The following VSIG1 variants were observed in gnomAD, a reference collection of about 807,000 sequenced individuals.
VSIG1 encodes the protein V-set and immunoglobulin domain containing 1, also known as V-set and immunoglobulin domain-containing protein 1.
A neutral mutation model predicts 20.1 loss-of-function variants in VSIG1; 11 were observed. That is an observed-to-expected ratio of 0.55 (90% confidence interval 0.34 to 0.91). The LOEUF (loss-of-function observed/expected upper bound fraction) is 0.91. VSIG1 is among the 40% of genes least tolerant of loss of function. The probability of loss-of-function intolerance (pLI) is 0.02; values close to 1 mark genes in which losing one functional copy is unlikely to be tolerated. For missense variants in VSIG1, 283 were observed against 298.8 expected (o/e 0.95, Z 0.39); for synonymous variants, 126 against 116.7 (o/e 1.08, Z -0.52).
rs1378721571 is a variant in VSIG1 at position 108,077,417 on chromosome X, AC to A, written c.*39del. 1.2e-5 allele frequency: 14 copies of A among 1,159,824 alleles called. No individual in the cohort carries two copies. The highest frequency in any genetic ancestry group is 1.6e-5 in the Non-Finnish European group (14 of 866,375). ...TAAGTACAGCATTAATCATTAAGGA[AC>A]CCATTACTGCCATTTGGAATTCAAA... is the stretch of plus-strand genomic sequence containing the variant. On this transcript the variant is annotated 3_prime_UTR_variant, in exon 7 of 7. Transcript: ENST00000217957.
chrX:108,076,358 G>A, intron 6 of VSIG1, 140 bp downstream of exon 6: 1 of 749,910 alleles, frequency 1.3e-6, no homozygotes, highest in South Asian at 3.5e-5. Context: ...ATTTAAAAAA[G>A]AATGATGATG....
chrX:108,021,838 C>T, the VSIG1 span, among the ~76,000 whole-genome samples: 1 of 112,008 alleles, frequency 8.9e-6, no homozygotes, highest in Non-Finnish European at 1.9e-5. Context: ...ATGGTCTTGG[C>T]ACCCTTGTCA....
the VSIG1 span, among the ~76,000 whole-genome samples, chrX:108,025,446 T>C: frequency 8.9e-6 from 1 of 112,272 alleles, no homozygotes; most frequent in Non-Finnish European, 1.9e-5. Flanking sequence ...TTGTATATTC[T>C]TGGTTTTCAA....
upstream of VSIG1, among the ~76,000 whole-genome samples, chrX:108,042,887 G>T: frequency 8.9e-6 from 1 of 111,932 alleles, no homozygotes; most frequent in Non-Finnish European, 1.9e-5. Flanking sequence ...GCACAAACAG[G>T]TTGGAGAATG....
chrX:108,045,035 C>G, upstream of VSIG1: 10 of 737,229 alleles, frequency 1.4e-5, no homozygotes, highest in Non-Finnish European at 1.9e-5. Flanking sequence ...GCAGATAAGC[C>G]AGGCAAACCT....
intron 1 of VSIG1, among the ~76,000 whole-genome samples, chrX:108,057,033 T>C (rs2030914483): frequency 1.8e-5 from 2 of 112,149 alleles, no homozygotes; most frequent in African/African-American, 6.5e-5. Context: ...GTATTACATA[T>C]ATATCATCGG....
At chrX:108,060,799 A>T (rs760207094) in intron 2 of VSIG1, among the ~76,000 whole-genome samples, 3 of 112,541 alleles carry the variant, frequency 2.7e-5, no homozygotes, top group Non-Finnish European at 5.6e-5. Context: ...CTTGTGAAGC[A>T]CTACGAAGCC....
chrX:108,071,892 C>CAAAAAAAAAA (rs1203449181), intron 3 of VSIG1, among the ~76,000 whole-genome samples: 10 of 36,393 alleles, frequency 2.7e-4, no homozygotes, highest in Non-Finnish European at 3.9e-4. Context: ...TGAACAAATG[C>CAAAAAAAAAA]AAAAAAAAAA....
intron 6 of VSIG1, 128 bp downstream of exon 6, chrX:108,076,346 G>A: frequency 1.2e-6 from 1 of 837,882 alleles, no homozygotes. Context: ...TACTCTCATT[G>A]AATTTAAAAA....
intron 1 of VSIG1, among the ~76,000 whole-genome samples, chrX:108,045,882 TA>T (rs1048696579): frequency 8.9e-6 from 1 of 112,011 alleles, no homozygotes; most frequent in African/African-American, 3.2e-5. Flanking sequence ...CCATAGTAAA[TA>T]CAATAATATT....
In VSIG1 at chrX:108,072,724, GGC is replaced by G; in HGVS notation, c.461_462del (p.Gly154AlafsTer22). ...TAGCGTTCAAGGAAGACCAGAAACT[GGC>G]CACACTATTTCCCTTTCCTGTCTCT... ...LCSVQGRPET[G>X]HTISLSCLSA... On this transcript the variant is annotated frameshift_variant, in exon 4 of 7. Coordinates refer to ENST00000217957, the MANE Select transcript of VSIG1 (RefSeq NM_182607.5). LOFTEE classifies it high-confidence loss of function. The G allele has an allele frequency of 2.5e-6, 3 of 1,210,874 alleles. No homozygotes were observed. The highest frequency in any genetic ancestry group is 3.4e-6 in the Non-Finnish European group (3 of 894,959).
chrX:108,055,570 T>C (rs2030877748), intron 1 of VSIG1, among the ~76,000 whole-genome samples: 1 of 111,569 alleles, frequency 9.0e-6, no homozygotes, highest in Non-Finnish European at 1.9e-5. Context: ...AGCAAAACAC[T>C]AGCAAATTGA....
At chrX:108,033,881 C>T in the VSIG1 span, among the ~76,000 whole-genome samples, 73 of 109,851 alleles carry the variant, frequency 6.6e-4, no homozygotes, top group African/African-American at 1.1e-3. Context: ...GTTAATCTCA[C>T]GGTTTGGTTT....
In VSIG1 at chrX:108,077,711, C is replaced by CTT. The variant is rs200130481; in HGVS notation, c.*338_*339dup. On this transcript the variant is annotated 3_prime_UTR_variant, in exon 7 of 7. Transcript: ENST00000217957. ...TATTATTTCTCTCTTTTTAACTACT[C>CTT]TTTTTTTTTATTTTAGACAGAGTCT... 298 of 207,747 alleles carry CTT rather than the reference C, an allele frequency of 1.4e-3. 1 individual carries two copies. The highest frequency in any genetic ancestry group is 8.6e-3 in the African/African-American group (287 of 33,249). The allele number at this position is 207,747 out of a possible 1,213,427, so 17.1% of individuals were successfully genotyped here.
chrX:108,059,012 A>G (rs1329154065), intron 2 of VSIG1, among the ~76,000 whole-genome samples: 1 of 111,881 alleles, frequency 8.9e-6, no homozygotes, highest in Non-Finnish European at 1.9e-5. Context: ...ATGTGAGCAC[A>G]TATGCCATGC....
At position 108,047,969 on chromosome X, in the gene VSIG1, T is replaced by TATATACAC. The variant is rs1569287472; in HGVS notation, c.49+2795_49+2796insCACATATA. On this transcript the variant is annotated intron_variant, in intron 1 of 6. Coordinates refer to ENST00000217957, the MANE Select transcript of VSIG1 (RefSeq NM_182607.5). Reference sequence around the variant, plus strand: ...ATATATATATACACACACATATATATATATATATATATATATATATATATA... The same window carrying TATATACAC: ...ATATATATATACACACACATATATATATATACACATATATATATATATATATATATATA... Among the ~76,000 whole-genome samples, 15 of 43,073 alleles carry TATATACAC rather than the reference T, an allele frequency of 3.5e-4. 3 individuals are homozygous for TATATACAC. Among genetic ancestry groups the TATATACAC allele is most frequent in the African/African-American group, 5.1e-4 (5 of 9,713 alleles). 37.4% of individuals were successfully genotyped at this position (43,073 alleles called of 115,157 possible).
chrX:108,032,559 G>A, the VSIG1 span, among the ~76,000 whole-genome samples: 19 of 111,768 alleles, frequency 1.7e-4, no homozygotes. Context: ...GAGTTTTAGG[G>A]TGACAGGTGC....
chrX:108,055,183 A>C (rs2147922611), intron 1 of VSIG1, among the ~76,000 whole-genome samples: 1 of 111,512 alleles, frequency 9.0e-6, no homozygotes, highest in Non-Finnish European at 1.9e-5. Flanking sequence ...GAACAATTAT[A>C]CATTCATATA....
At chrX:108,076,296 C>A in intron 6 of VSIG1, 78 bp downstream of exon 6, 1 of 1,076,258 alleles carries the variant, frequency 9.3e-7, no homozygotes, top group Non-Finnish European at 1.3e-6. Context: ...AATTCCTAAG[C>A]ACTCCTTTTA....
Sources: allele counts gnomAD v4.1 joint callset (sites outside exome capture counted in the v4.1 genomes callset), GRCh38; gene constraint gnomAD v4.1.1; transcripts MANE v1.5; gene names NCBI Gene and HGNC (gene_info 2026-07-23, HGNC 2026-07-21).